STK40: variants seen among roughly 807,000 people sequenced by gnomAD.
STK40 encodes serine/threonine kinase 40, also known as serine/threonine-protein kinase 40.
In STK40, 13 loss-of-function variants were observed where a neutral mutation model predicts 47.9. The ratio of observed to expected loss-of-function variants is 0.27; its 90% CI spans 0.18 to 0.43. The LOEUF (loss-of-function observed/expected upper bound fraction) is 0.43, where lower values mean the gene tolerates loss of function less well. Ranked by LOEUF, STK40 falls within the 20% of genes least tolerant of loss-of-function variation. STK40 has a pLI of 1.00. For missense variants in STK40, 460 were observed against 595.1 expected, an observed-to-expected ratio of 0.77 and a Z score of 2.36; for synonymous variants, 225 against 243.2, an observed-to-expected ratio of 0.93 and a Z score of 0.69.
intron 10 of STK40, 161 bp downstream of exon 10, chr1:36,343,203 G>A (rs746983845): frequency 4.9e-6 from 4 of 820,242 alleles, no homozygotes; most frequent in South Asian, 2.9e-5. Context: ...GGCAGCTCAG[G>A]CTGAGGACTG....
chr1:36,370,785 C>A (rs548148399), intron 1 of STK40, among the ~76,000 whole-genome samples: 2 of 152,250 alleles, frequency 1.3e-5, no homozygotes, highest in Admixed American at 1.3e-4. Context: ...GGTTCCAGGA[C>A]CTCTGACAGA....
chr1:36,354,094 A>G (rs1171193303), intron 6 of STK40, among the ~76,000 whole-genome samples: 1 of 152,184 alleles, frequency 6.6e-6, no homozygotes, highest in African/African-American at 2.4e-5. Context: ...TAATTTTATG[A>G]GTACCCACTA....
intron 1 of STK40, among the ~76,000 whole-genome samples, chr1:36,374,546 C>A (rs563078288): frequency 6.6e-6 from 1 of 152,368 alleles, no homozygotes; most frequent in East Asian, 1.9e-4. Flanking sequence ...GCCACCAGCT[C>A]TCCCCTCCCA....
intron 2 of STK40, among the ~76,000 whole-genome samples, chr1:36,360,222 A>G (rs1646840009): frequency 6.6e-6 from 1 of 152,210 alleles, no homozygotes. Context: ...GTATGTACTG[A>G]ATGACTGGAG....
chr1:36,343,735 G>A lies in STK40; in HGVS notation c.1004+125C>T. 6.3e-6 allele frequency: 9 copies of A among 1,431,140 alleles called. No homozygotes were observed. In the South Asian group the frequency reaches 1.3e-4, roughly 21 times the overall value. 88.7% of individuals were successfully genotyped at this position (1,431,140 alleles called of 1,614,324 possible). A position where few individuals can be genotyped will look rare whatever the true frequency, so the allele number is the denominator to read the frequency against. ...ATGCCCTCCCAATCTTGTCCATGCA[G>A]AGAATCTGGAAATCTGACTCTAACT... is the stretch of plus-strand genomic sequence containing the variant. On this transcript the variant is annotated intron_variant, in intron 9 of 10. Transcript: ENST00000373132.
intron 6 of STK40, among the ~76,000 whole-genome samples, chr1:36,354,011 C>T (rs937644642): frequency 3.9e-5 from 6 of 152,130 alleles, no homozygotes; most frequent in East Asian, 3.9e-4. Flanking sequence ...GTGATCCTCC[C>T]GCCTCAGCCT....
chr1:36,349,296 C>G (rs1257190291), intron 6 of STK40, among the ~76,000 whole-genome samples: 1 of 152,220 alleles, frequency 6.6e-6, no homozygotes, highest in Non-Finnish European at 1.5e-5. Flanking sequence ...CGAGCCACCT[C>G]CGAACCACGG....
chr1:36,369,647 G>C (rs1447829491), intron 1 of STK40, among the ~76,000 whole-genome samples: 1 of 152,174 alleles, frequency 6.6e-6, no homozygotes, highest in African/African-American at 2.4e-5. Flanking sequence ...TCCTGCCAAA[G>C]CTGGCTGCTC....
intron 1 of STK40, among the ~76,000 whole-genome samples, chr1:36,384,982 C>T (rs772590213): frequency 9.8e-5 from 15 of 152,316 alleles, no homozygotes; most frequent in Admixed American, 2.0e-4. Context: ...TCTATCCTGC[C>T]ACACAGAGGG....
intron 6 of STK40, among the ~76,000 whole-genome samples, chr1:36,353,983 T>C (rs1396557101): frequency 1.3e-5 from 2 of 152,194 alleles, no homozygotes; most frequent in Non-Finnish European, 2.9e-5. Context: ...CAGGCTGGTC[T>C]CAAACTCCTG....
chr1:36,358,670 G>A (rs562180622), intron 3 of STK40, 67 bp downstream of exon 3: 11 of 1,528,306 alleles, frequency 7.2e-6, no homozygotes, highest in Non-Finnish European at 9.0e-6. Context: ...GAAGGTGGAG[G>A]AGGGAGGAGT....
At chr1:36,352,337 C>T (rs1646766059) in intron 6 of STK40, among the ~76,000 whole-genome samples, 1 of 152,222 alleles carries the variant, frequency 6.6e-6, no homozygotes, top group Non-Finnish European at 1.5e-5. Context: ...TCATATTACG[C>T]AGCCTCACAC....
At chr1:36,345,992 T>TATATATATA (rs1553135170) in intron 7 of STK40, among the ~76,000 whole-genome samples, 162 of 19,430 alleles carry the variant, frequency 8.3e-3, no homozygotes, top group South Asian at 0.012. Context: ...TATATATATA[T>TATATATATA]TTTTTTTTTT....
intron 7 of STK40, among the ~76,000 whole-genome samples, chr1:36,347,643 G>C (rs1646715497): frequency 6.6e-6 from 1 of 151,422 alleles, no homozygotes; most frequent in Non-Finnish European, 1.5e-5. Context: ...GTAACTTTAT[G>C]AGTTTTTTTT....
At chr1:36,356,615 T>C (rs933605908) in intron 4 of STK40, among the ~76,000 whole-genome samples, 16 of 151,864 alleles carry the variant, frequency 1.1e-4, no homozygotes, top group Admixed American at 2.0e-4. Flanking sequence ...TTAGTAGAGA[T>C]GGGGTTTCAC....
intron 1 of STK40, among the ~76,000 whole-genome samples, chr1:36,364,429 C>A (rs1245989321): frequency 6.6e-6 from 1 of 152,112 alleles, no homozygotes; most frequent in East Asian, 1.9e-4. Flanking sequence ...AATTGGGTGG[C>A]CAACAAAAAG....
chr1:36,361,464 C>T (rs990404440), intron 1 of STK40, 124 bp from the exon 2 acceptor site: 27 of 1,492,244 alleles, frequency 1.8e-5, no homozygotes, highest in Middle Eastern at 3.5e-4. Context: ...CCAACTCCTC[C>T]TGCTACCAGG....
intron 4 of STK40, among the ~76,000 whole-genome samples, chr1:36,357,256 A>T (rs1646813166): frequency 6.6e-6 from 1 of 152,244 alleles, no homozygotes; most frequent in Non-Finnish European, 1.5e-5. Flanking sequence ...AGGTCATACT[A>T]GCTGAATCCA....
chr1:36,381,765 A>G (rs2124755072), intron 1 of STK40, among the ~76,000 whole-genome samples: 1 of 152,266 alleles, frequency 6.6e-6, no homozygotes, highest in South Asian at 2.1e-4. Flanking sequence ...TTGGGATTAC[A>G]GGTGTGAGCT....
Sources: allele counts gnomAD v4.1 joint callset (sites outside exome capture counted in the v4.1 genomes callset), GRCh38; gene constraint gnomAD v4.1.1; transcripts MANE v1.5; gene names NCBI Gene and HGNC (gene_info 2026-07-23, HGNC 2026-07-21).